The following DIAPH3 variants were observed in gnomAD, a reference collection of about 807,000 sequenced individuals.
DIAPH3 encodes protein diaphanous homolog 3.
In DIAPH3, 117 loss-of-function variants were observed where a neutral mutation model predicts 144.3. The ratio of observed to expected loss-of-function variants is 0.81; its 90% CI spans 0.70 to 0.95. DIAPH3 has a LOEUF of 0.95. DIAPH3 is among the 40% of genes least tolerant of loss of function. The pLI is 0.00. For missense variants in DIAPH3, 1,421 were observed against 1,412.7 expected (o/e 1.01, Z -0.09); for synonymous variants, 519 against 488.9 (o/e 1.06, Z -0.81).
chr13:60,069,650 T>G (rs1047272112), intron 4 of DIAPH3, among the ~76,000 whole-genome samples: 4 of 152,206 alleles, frequency 2.6e-5, no homozygotes, highest in Non-Finnish European at 5.9e-5. Flanking sequence ...AGTTGATTTT[T>G]GTATATGGTG....
chr13:59,712,536 C>T (rs1720878775), intron 27 of DIAPH3, among the ~76,000 whole-genome samples: 2 of 152,336 alleles, frequency 1.3e-5, no homozygotes, highest in Non-Finnish European at 1.5e-5. Context: ...CTCCAGCCAT[C>T]GACTCGGGCC....
At chr13:59,859,898 A>G (rs112337285) in intron 22 of DIAPH3, among the ~76,000 whole-genome samples, 98 of 152,284 alleles carry the variant, frequency 6.4e-4, no homozygotes, top group African/African-American at 2.3e-3. Flanking sequence ...CTATAACTAT[A>G]TATATGGGAA....
At chr13:60,096,930 G>T (rs1415520566) in intron 3 of DIAPH3, among the ~76,000 whole-genome samples, 1 of 152,158 alleles carries the variant, frequency 6.6e-6, no homozygotes, top group East Asian at 1.9e-4. Flanking sequence ...ATAGCATACT[G>T]TAGGACTTCT....
intron 27 of DIAPH3, among the ~76,000 whole-genome samples, chr13:59,762,318 C>T (rs2037644789): frequency 1.3e-5 from 2 of 152,074 alleles, no homozygotes; most frequent in Admixed American, 1.3e-4. Context: ...CCTCAGCCTC[C>T]CAAAGTGCTG....
At chr13:59,872,463 AC>A (rs1262614543) in intron 21 of DIAPH3, among the ~76,000 whole-genome samples, 34 of 152,174 alleles carry the variant, frequency 2.2e-4, no homozygotes, top group Admixed American at 2.2e-3. Context: ...CAATGCTGGA[AC>A]CATAGTTCAA....
intron 27 of DIAPH3, among the ~76,000 whole-genome samples, chr13:59,689,222 C>A (rs1432795176): frequency 6.6e-6 from 1 of 152,020 alleles, no homozygotes; most frequent in African/African-American, 2.4e-5. Context: ...GCCTGGACTA[C>A]CTGGGGAGAG....
chr13:60,082,861 T>C (rs1269779013), intron 4 of DIAPH3, among the ~76,000 whole-genome samples: 3 of 152,118 alleles, frequency 2.0e-5, no homozygotes, highest in African/African-American at 7.2e-5. Flanking sequence ...AATGGCTATA[T>C]GCTTAGTCAA....
chr13:60,024,906 T>C (rs368813133), intron 5 of DIAPH3, among the ~76,000 whole-genome samples: 72 of 152,164 alleles, frequency 4.7e-4, no homozygotes, highest in African/African-American at 1.7e-3. Context: ...ATGCTCACCA[T>C]GTAACCTACA....
At chr13:60,022,026 G>A (rs1350206130) in intron 5 of DIAPH3, among the ~76,000 whole-genome samples, 7 of 152,118 alleles carry the variant, frequency 4.6e-5, no homozygotes, top group African/African-American at 1.7e-4. Flanking sequence ...ATTATGAATG[G>A]TATTGTGTTT....
At chr13:60,114,346 G>A (rs751914456) in intron 2 of DIAPH3, among the ~76,000 whole-genome samples, 1 of 150,604 alleles carries the variant, frequency 6.6e-6, no homozygotes, top group Non-Finnish European at 1.5e-5. Flanking sequence ...GAGCTTAACA[G>A]TAACCTGGAC....
At chr13:59,992,001 G>T in intron 11 of DIAPH3, 67 bp downstream of exon 11, 1 of 1,222,318 alleles carries the variant, frequency 8.2e-7, no homozygotes, top group Non-Finnish European at 1.2e-6. Context: ...AATATTTGTG[G>T]CTGAGTATTT....
chr13:60,126,685 T>C (rs1399922710), intron 2 of DIAPH3, among the ~76,000 whole-genome samples: 1 of 152,048 alleles, frequency 6.6e-6, no homozygotes, highest in Non-Finnish European at 1.5e-5. Flanking sequence ...AAGGACAGAA[T>C]TCATGCAAAC....
chr13:59,982,839 C>T (rs1008740377), intron 13 of DIAPH3, among the ~76,000 whole-genome samples: 18 of 151,338 alleles, frequency 1.2e-4, no homozygotes, highest in African/African-American at 4.4e-4. Flanking sequence ...GCAAATGTTC[C>T]GAACGTTAAC....
At chr13:59,895,270 A>AT (rs1046629031) in intron 20 of DIAPH3, among the ~76,000 whole-genome samples, 8 of 152,188 alleles carry the variant, frequency 5.3e-5, no homozygotes, top group African/African-American at 1.9e-4. Context: ...GTGTTTCACT[A>AT]AACGGGAAAA....
intron 21 of DIAPH3, among the ~76,000 whole-genome samples, chr13:59,870,559 T>A (rs545578541): frequency 6.6e-5 from 10 of 152,098 alleles, no homozygotes; most frequent in Non-Finnish European, 1.3e-4. Flanking sequence ...ATAGATCAAG[T>A]TGGGAAGAAA....
chr13:59,881,902 T>TCC (rs2045076902), intron 20 of DIAPH3, among the ~76,000 whole-genome samples: 1 of 152,216 alleles, frequency 6.6e-6, no homozygotes, highest in African/African-American at 2.4e-5. Context: ...TGTGTTTTAA[T>TCC]AAATAAAATT....
At chr13:59,763,006 G>T (rs2037682454) in intron 27 of DIAPH3, among the ~76,000 whole-genome samples, 1 of 151,978 alleles carries the variant, frequency 6.6e-6, no homozygotes, top group African/African-American at 2.4e-5. Flanking sequence ...GAACTTCCCA[G>T]CCTCCAGAGT....
rs372037215 is a variant in DIAPH3, at chr13:59,833,272, G to C, written c.2863-1C>G. 2 of 1,602,986 alleles carry C rather than the reference G, an allele frequency of 1.2e-6. No homozygotes were observed. Among genetic ancestry groups the C allele is most frequent in the Non-Finnish European group, 1.7e-6 (2 of 1,172,888 alleles). The stretch of plus-strand genomic sequence containing the variant: ...GTTCTTTTGCACTGATAACAAATCT[G>C]TATACTATAGTTAAGGTATTCTGAA... On this transcript the variant is annotated splice_acceptor_variant, in intron 23 of 27. Transcript: ENST00000400324. LOFTEE classifies it high-confidence loss of function.
intron 4 of DIAPH3, among the ~76,000 whole-genome samples, chr13:60,045,661 A>G (rs1321745829): frequency 1.3e-5 from 2 of 152,206 alleles, no homozygotes; most frequent in Non-Finnish European, 2.9e-5. Flanking sequence ...CTGTCAGGCC[A>G]ATATTTTTAT....
Sources: gnomAD v4.1 joint callset for allele counts (sites outside exome capture counted in the v4.1 genomes callset) on GRCh38, gnomAD v4.1.1 for gene constraint, MANE v1.5 for transcripts, NCBI Gene and HGNC (gene_info 2026-07-23, HGNC 2026-07-21) for gene names.